GRAMD1C: variants seen among roughly 807,000 people sequenced by gnomAD.
The protein encoded by GRAMD1C is GRAM domain containing 1C, also known as protein Aster-C.
A neutral mutation model predicts 97.8 loss-of-function variants in GRAMD1C; 89 were observed. The observed-to-expected ratio is 0.91, with a 90% CI of 0.77 to 1.09. The LOEUF (loss-of-function observed/expected upper bound fraction) is 1.09, where lower values mean the gene tolerates loss of function less well. Ranked by LOEUF, GRAMD1C falls within the 50% of genes least tolerant of loss-of-function variation. GRAMD1C has a pLI of 0.00. For missense variants in GRAMD1C, 740 were observed against 766.4 expected (o/e 0.97, Z 0.41); for synonymous variants, 256 against 267.0 (o/e 0.96, Z 0.40).
intron 13 of GRAMD1C, 60 bp downstream of exon 13, chr3:113,934,595 T>C (rs1289785768): frequency 7.9e-6 from 6 of 757,852 alleles, no homozygotes; most frequent in Non-Finnish European, 1.1e-5. Flanking sequence ...ACAAAATGGA[T>C]TGATTCTTCA....
At chr3:113,928,695 G>A (rs1937311875) in intron 10 of GRAMD1C, among the ~76,000 whole-genome samples, 1 of 152,152 alleles carries the variant, frequency 6.6e-6, no homozygotes, top group Non-Finnish European at 1.5e-5. Context: ...ACTACTCAAG[G>A]TGCCTTGCAT....
intron 3 of GRAMD1C, among the ~76,000 whole-genome samples, chr3:113,874,157 G>T (rs1209732590): frequency 6.6e-6 from 1 of 152,174 alleles, no homozygotes; most frequent in Admixed American, 6.5e-5. Flanking sequence ...ACCTAAAATT[G>T]CTAATTAGTT....
At chr3:113,878,902 G>C (rs769234519) in intron 5 of GRAMD1C, among the ~76,000 whole-genome samples, 2 of 152,030 alleles carry the variant, frequency 1.3e-5, no homozygotes, top group Non-Finnish European at 2.9e-5. Context: ...CCATGACACA[G>C]AGGCTCTCAT....
intron 12 of GRAMD1C, 125 bp downstream of exon 12, chr3:113,933,778 AG>A: frequency 1.5e-6 from 1 of 676,256 alleles, no homozygotes; most frequent in Non-Finnish European, 2.4e-6. Flanking sequence ...CATTTCCAAC[AG>A]GGGTGAGCAG....
At chr3:113,855,292 CAA>C (rs1275134917) in intron 2 of GRAMD1C, among the ~76,000 whole-genome samples, 2 of 152,056 alleles carry the variant, frequency 1.3e-5, no homozygotes, top group Non-Finnish European at 2.9e-5. Context: ...GCCTGGGTAA[CAA>C]GATCAAAACT....
At chr3:113,886,943 A>T (rs1182226196) in intron 6 of GRAMD1C, among the ~76,000 whole-genome samples, 5 of 151,618 alleles carry the variant, frequency 3.3e-5, no homozygotes, top group East Asian at 3.9e-4. Flanking sequence ...CACCACGCCC[A>T]GCTAATTTTT....
At position 113,908,972 on chromosome 3, in the gene GRAMD1C, G is replaced by A. The variant is rs1463310774; in HGVS notation, c.804G>A (p.Glu268=). Residue 268 remains glutamate (E), a synonymous_variant, in exon 9 of 18, where the codon GAG becomes GAA. Transcript: ENST00000358160. ...GNSSKGGLGK[E]ESQNEKQTKK... is the part of the protein sequence containing the mutation. ...TTACCTTTTAGGGATTAGGCAAAGAGGAGTCCCAAAATGAGAAACAGACCA... is the reference window on the plus strand; with the variant it reads ...TTACCTTTTAGGGATTAGGCAAAGAAGAGTCCCAAAATGAGAAACAGACCA... 1 of 1,571,568 alleles carries A rather than the reference G, an allele frequency of 6.4e-7. No individual in the cohort carries two copies. The highest frequency in any genetic ancestry group is 8.6e-7 in the Non-Finnish European group (1 of 1,164,474).
At chr3:113,877,084 C>A (rs545727335) in intron 5 of GRAMD1C, among the ~76,000 whole-genome samples, 12 of 152,090 alleles carry the variant, frequency 7.9e-5, no homozygotes, top group African/African-American at 2.9e-4. Context: ...TTGGGTCATG[C>A]GATCCTCCAA....
intron 6 of GRAMD1C, chr3:113,891,019 A>C: frequency 2.5e-6 from 1 of 403,296 alleles, no homozygotes; most frequent in Non-Finnish European, 4.4e-6. Flanking sequence ...ATGTATACAC[A>C]CGGAGGTATC....
intron 2 of GRAMD1C, among the ~76,000 whole-genome samples, chr3:113,868,213 G>T (rs1210103776): frequency 2.0e-5 from 3 of 151,944 alleles, no homozygotes; most frequent in Non-Finnish European, 4.4e-5. Flanking sequence ...TTTAAGCATG[G>T]TTCTGTTTTT....
At chr3:113,854,908 C>A (rs1228573483) in intron 2 of GRAMD1C, among the ~76,000 whole-genome samples, 1 of 152,028 alleles carries the variant, frequency 6.6e-6, no homozygotes, top group East Asian at 1.9e-4. Flanking sequence ...TTATCTAGGG[C>A]AATGAGATAT....
chr3:113,946,701 A>C lies in GRAMD1C; in HGVS notation c.*1223A>C, dbSNP rs1938103146. 1 of 152,190 alleles carries C rather than the reference A, an allele frequency of 6.6e-6. No homozygotes were observed. 9.4% of individuals were successfully genotyped at this position (152,190 alleles called of 1,614,324 possible). A position where few individuals can be genotyped will look rare whatever the true frequency, so the allele number is the denominator to read the frequency against. ...ATATATAAACTGTGTATACATTCTT[A>C]CTGTTTGAACAACTATTGCCTTTAA... On this transcript the variant is annotated 3_prime_UTR_variant, in exon 18 of 18. Coordinates refer to ENST00000358160, the MANE Select transcript of GRAMD1C (RefSeq NM_017577.5).
At chr3:113,849,917 G>A (rs945815272) in intron 2 of GRAMD1C, among the ~76,000 whole-genome samples, 1 of 132,442 alleles carries the variant, frequency 7.6e-6, no homozygotes, top group Non-Finnish European at 1.7e-5. Flanking sequence ...TGGCCAGGCG[G>A]GGGGGCTGAC....
chr3:113,900,957 A>G, intron 6 of GRAMD1C, 74 bp from the exon 7 acceptor site: 2 of 808,990 alleles, frequency 2.5e-6, no homozygotes, highest in Admixed American at 1.9e-5. Flanking sequence ...TGACTTCAAA[A>G]CTCATGTTTT....
intron 10 of GRAMD1C, among the ~76,000 whole-genome samples, chr3:113,923,554 A>G (rs1937135734): frequency 6.6e-6 from 1 of 152,164 alleles, no homozygotes; most frequent in African/African-American, 2.4e-5. Flanking sequence ...AGTTCTGTTT[A>G]TGTGATGAAT....
chr3:113,929,417 A>G (rs1389880225), intron 10 of GRAMD1C, among the ~76,000 whole-genome samples: 1 of 152,212 alleles, frequency 6.6e-6, no homozygotes, highest in South Asian at 2.1e-4. Context: ...AACATTGCTG[A>G]AACTACAAGG....
chr3:113,886,734 G>C (rs1289939981), intron 6 of GRAMD1C, among the ~76,000 whole-genome samples: 4 of 148,878 alleles, frequency 2.7e-5, no homozygotes, highest in Non-Finnish European at 4.5e-5. Context: ...TAGAAAAATA[G>C]ACAATTCAGA....
chr3:113,868,961 CACTT>C (rs1243196151), intron 2 of GRAMD1C, among the ~76,000 whole-genome samples: 1 of 151,872 alleles, frequency 6.6e-6, no homozygotes, highest in Non-Finnish European at 1.5e-5. Flanking sequence ...TGGACCCTCA[CACTT>C]GCTTGGATTG....
intron 10 of GRAMD1C, among the ~76,000 whole-genome samples, chr3:113,927,920 G>A (rs1343719641): frequency 6.6e-6 from 1 of 152,174 alleles, no homozygotes; most frequent in Non-Finnish European, 1.5e-5. Context: ...AGGGTCCAAG[G>A]CTTATAGAGG....
Sources: gnomAD v4.1 joint callset for allele counts (sites outside exome capture counted in the v4.1 genomes callset) on GRCh38, gnomAD v4.1.1 for gene constraint, MANE v1.5 for transcripts, NCBI Gene and HGNC (gene_info 2026-07-23, HGNC 2026-07-21) for gene names.